Variants in LEKR1 observed in about 807,000 individuals in gnomAD.
The protein encoded by LEKR1 is leucine, glutamate and lysine rich 1.
Under a neutral mutation model 72.4 loss-of-function variants are expected in LEKR1, and 59 were observed. The ratio of observed to expected loss-of-function variants is 0.82; its 90% CI spans 0.66 to 1.01. The LOEUF (loss-of-function observed/expected upper bound fraction) is 1.01. LEKR1 is among the 50% of genes least tolerant of loss of function. LEKR1 has a pLI of 0.00. For missense variants in LEKR1, 728 were observed against 759.2 expected (o/e 0.96, Z 0.48); for synonymous variants, 257 against 263.2 (o/e 0.98, Z 0.23).
chr3:156,991,757 T>C (rs1470820297), intron 7 of LEKR1, among the ~76,000 whole-genome samples: 2 of 152,240 alleles, frequency 1.3e-5, no homozygotes, highest in African/African-American at 4.8e-5. Context: ...TTGAGCAAAG[T>C]GAATAATTAC....
intron 2 of LEKR1, among the ~76,000 whole-genome samples, chr3:156,835,204 A>G (rs902525784): frequency 6.6e-6 from 1 of 152,254 alleles, no homozygotes; most frequent in African/African-American, 2.4e-5. Context: ...GAAACAGGAT[A>G]GAGAACTTAT....
At chr3:156,913,207 A>G (rs1168674326) in intron 3 of LEKR1, among the ~76,000 whole-genome samples, 3 of 152,204 alleles carry the variant, frequency 2.0e-5, no homozygotes, top group South Asian at 2.1e-4. Flanking sequence ...CACTGAATCT[A>G]TAAGTTTCTT....
At chr3:156,965,100 C>G (rs953223831) in intron 6 of LEKR1, among the ~76,000 whole-genome samples, 1 of 152,024 alleles carries the variant, frequency 6.6e-6, no homozygotes, top group African/African-American at 2.4e-5. Context: ...AAATACTGCT[C>G]TAAAACATTC....
intron 5 of LEKR1, among the ~76,000 whole-genome samples, chr3:156,938,971 TTAGC>T (rs1268575505): frequency 6.6e-6 from 1 of 152,194 alleles, no homozygotes; most frequent in Non-Finnish European, 1.5e-5. Context: ...TGTACTTGCG[TTAGC>T]TAGTGAATTA....
Position 157,026,943 on chromosome 3 carries a change from G to A in LEKR1, c.1369-1160G>A, listed in dbSNP as rs373016869. ...TATTCTCTCATTCATTTATCTAGAGGAACCACCTTGAGAAGCAATACATTT... is the reference window on the plus strand; with the variant it reads ...TATTCTCTCATTCATTTATCTAGAGAAACCACCTTGAGAAGCAATACATTT... On this transcript the variant is annotated intron_variant, in intron 11 of 12. Coordinates refer to ENST00000356539, the MANE Select transcript of LEKR1 (RefSeq NM_001004316.3). Among the ~76,000 whole-genome samples, 24 of 152,218 alleles carry A rather than the reference G, an allele frequency of 1.6e-4. No homozygotes were observed. In the South Asian group the frequency reaches 4.0e-3, roughly 25 times the overall value.
Position 156,920,494 on chromosome 3 carries a change from T to A in LEKR1, c.264-81T>A. On this transcript the variant is annotated intron_variant, in intron 3 of 12. Coordinates refer to ENST00000356539, the MANE Select transcript of LEKR1 (RefSeq NM_001004316.3). ...AGTTTCTTCTTCTACTCCTTTTTAT[T>A]AAAAGTAAGTATATTTAAATGTTAA... 12 of 838,110 alleles carry A rather than the reference T, an allele frequency of 1.4e-5. No homozygotes were observed. The South Asian group carries it at 2.1e-4, about 15-fold the overall frequency. The allele number at this position is 838,110 out of a possible 1,614,324, so 51.9% of individuals were successfully genotyped here. A position where few individuals can be genotyped will look rare whatever the true frequency, so the allele number is the denominator to read the frequency against.
intron 6 of LEKR1, among the ~76,000 whole-genome samples, chr3:156,962,402 C>A (rs1728205541): frequency 6.6e-6 from 1 of 152,162 alleles, no homozygotes; most frequent in Non-Finnish European, 1.5e-5. Context: ...TGATAATGAA[C>A]CACTGTGGGC....
intron 11 of LEKR1, among the ~76,000 whole-genome samples, chr3:157,026,508 G>A (rs1734202048): frequency 6.6e-6 from 1 of 152,186 alleles, no homozygotes; most frequent in Admixed American, 6.6e-5. Context: ...TCCTCTGGGT[G>A]ATGAAAACCA....
chr3:156,830,998 A>G (rs983240617), intron 2 of LEKR1, among the ~76,000 whole-genome samples: 6 of 152,120 alleles, frequency 3.9e-5, no homozygotes, highest in African/African-American at 1.4e-4. Context: ...TTTGCAGTAA[A>G]GAAAGTTTAA....
At position 156,880,003 on chromosome 3, in the gene LEKR1, G is replaced by A. The variant is rs538592072; in HGVS notation, c.263+27021G>A. Among the ~76,000 whole-genome samples, 236 of 152,362 alleles carry A rather than the reference G, an allele frequency of 1.5e-3. 3 individuals are homozygous for A. Among genetic ancestry groups the A allele is most frequent in the African/African-American group, 5.6e-3 (231 of 41,590 alleles). ...CATGGAGAACCTCTGCTAGGACAGT[G>A]AAGAAGAGTAATGTGGGGAGAAGCC... On this transcript the variant is annotated intron_variant, in intron 3 of 12. Transcript: ENST00000356539.
At chr3:156,831,465 T>C (rs916278502) in intron 2 of LEKR1, among the ~76,000 whole-genome samples, 3 of 152,196 alleles carry the variant, frequency 2.0e-5, no homozygotes, top group African/African-American at 4.8e-5. Context: ...CAAAGTTAGA[T>C]TGGCCCATAC....
At chr3:156,874,778 C>T (rs1346642243) in intron 3 of LEKR1, among the ~76,000 whole-genome samples, 1 of 152,156 alleles carries the variant, frequency 6.6e-6, no homozygotes, top group Non-Finnish European at 1.5e-5. Context: ...TAAGTGAGAA[C>T]ATACAATATT....
intron 3 of LEKR1, among the ~76,000 whole-genome samples, chr3:156,892,711 A>G (rs775065118): frequency 5.9e-5 from 9 of 152,204 alleles, no homozygotes; most frequent in Non-Finnish European, 1.0e-4. Flanking sequence ...CCTCTTGTGC[A>G]TGCATAAAAT....
rs865917123 is a variant in LEKR1, at chr3:156,929,665, T to G, written c.559+2061T>G. On this transcript the variant is annotated intron_variant, in intron 5 of 12. Coordinates refer to ENST00000356539, the MANE Select transcript of LEKR1 (RefSeq NM_001004316.3). ...CCATAATATGTTACCAGAAGAGTTATTATCTATGTGTTCTCCCTTTCAGAA... is the reference window on the plus strand; with the variant it reads ...CCATAATATGTTACCAGAAGAGTTAGTATCTATGTGTTCTCCCTTTCAGAA... 5.9e-4 allele frequency among the ~76,000 whole-genome samples: 89 copies of G among 152,106 alleles called. 2 individuals are homozygous for G. Among genetic ancestry groups the G allele is most frequent in the African/African-American group, 2.1e-3 (89 of 41,424 alleles).
chr3:156,853,368 T>G (rs1045551373), intron 3 of LEKR1: 1 of 153,340 alleles, frequency 6.5e-6, no homozygotes, highest in African/African-American at 2.4e-5. Context: ...AATAAGGCTT[T>G]CATGTTTTGA....
At chr3:157,017,131 T>A (rs1003272835) in intron 10 of LEKR1, among the ~76,000 whole-genome samples, 2 of 152,228 alleles carry the variant, frequency 1.3e-5, no homozygotes, top group South Asian at 2.1e-4. Context: ...TTGTATGACA[T>A]ACAGTCTCTG....
At chr3:156,898,907 CA>C (rs1271724507) in intron 3 of LEKR1, among the ~76,000 whole-genome samples, 5 of 152,250 alleles carry the variant, frequency 3.3e-5, no homozygotes, top group Middle Eastern at 6.8e-3. Context: ...TAGGATTCCT[CA>C]AAAGGTTTAA....
At chr3:156,833,973 A>G (rs1040800864) in intron 2 of LEKR1, among the ~76,000 whole-genome samples, 21 of 151,980 alleles carry the variant, frequency 1.4e-4, no homozygotes, top group Admixed American at 2.6e-4. Context: ...ATTACAAAAA[A>G]ACTTTGTTCA....
intron 3 of LEKR1, among the ~76,000 whole-genome samples, chr3:156,907,092 A>T (rs1722601784): frequency 6.6e-6 from 1 of 152,024 alleles, no homozygotes; most frequent in Non-Finnish European, 1.5e-5. Context: ...TTTTAAAACA[A>T]TTTTTTTAGA....
Sources: gnomAD v4.1 joint callset for allele counts (sites outside exome capture counted in the v4.1 genomes callset) on GRCh38, gnomAD v4.1.1 for gene constraint, MANE v1.5 for transcripts, NCBI Gene and HGNC (gene_info 2026-07-23, HGNC 2026-07-21) for gene names.